The following PAK2 variants were observed in gnomAD, a reference collection of about 807,000 sequenced individuals.
The protein encoded by PAK2 is serine/threonine-protein kinase PAK 2.
In PAK2, 21 loss-of-function variants were observed where a neutral mutation model predicts 65.9. The ratio of observed to expected loss-of-function variants is 0.32; its 90% CI spans 0.23 to 0.46. The LOEUF (loss-of-function observed/expected upper bound fraction) is 0.46. Ranked by LOEUF, PAK2 falls within the 20% of genes least tolerant of loss-of-function variation. PAK2 has a pLI of 1.00. For missense variants in PAK2, 324 were observed against 642.6 expected (o/e 0.50, Z 5.36); for synonymous variants, 204 against 219.7 (o/e 0.93, Z 0.63).
intron 11 of PAK2, 141 bp downstream of exon 11, chr3:196,814,709 G>A (rs11185455): frequency 0.84 from 501,385 of 597,258 alleles, 211,344 homozygotes; most frequent in East Asian, 1. Flanking sequence ...CTCCATCTCC[G>A]TGCCATTTCA....
In PAK2 at chr3:196,820,705, T is replaced by C. The variant is rs986299171; in HGVS notation, c.1350+138T>C. Reference sequence around the variant, plus strand: ...TAATCTCTGCCCCTAACTCTGCATCTAGAAATCATTTGCTCTCTGAGTTAC... The same window carrying C: ...TAATCTCTGCCCCTAACTCTGCATCCAGAAATCATTTGCTCTCTGAGTTAC... On this transcript the variant is annotated intron_variant, in intron 13 of 14. Coordinates refer to ENST00000327134, the MANE Select transcript of PAK2 (RefSeq NM_002577.4). This position sits in a 1 kb window ranked among gnomAD's most constrained non-coding sequence, Gnocchi z 4.6. 2.6e-5 allele frequency: 12 copies of C among 456,216 alleles called. No individual in the cohort carries two copies. Among genetic ancestry groups the C allele is most frequent in the Non-Finnish European group, 2.3e-5 (6 of 258,084 alleles). The allele number at this position is 456,216 out of a possible 1,614,324, so 28.3% of individuals were successfully genotyped here. A position where few individuals can be genotyped will look rare whatever the true frequency, so the allele number is the denominator to read the frequency against.
intron 1 of PAK2, among the ~76,000 whole-genome samples, chr3:196,763,368 T>C (rs1230293569): frequency 6.6e-6 from 1 of 152,202 alleles, no homozygotes; most frequent in Non-Finnish European, 1.5e-5. Context: ...ATCAGGAGTC[T>C]TGTGACAACT....
chr3:196,749,174 A>T (rs1713487679), intron 1 of PAK2, among the ~76,000 whole-genome samples: 1 of 151,742 alleles, frequency 6.6e-6, no homozygotes, highest in African/African-American at 2.4e-5. Context: ...TTGCTTCCGT[A>T]ATTTAGGTAC....
At chr3:196,773,292 G>A (rs997453583) in intron 1 of PAK2, among the ~76,000 whole-genome samples, 2 of 152,084 alleles carry the variant, frequency 1.3e-5, no homozygotes, top group Non-Finnish European at 2.9e-5. Flanking sequence ...GTTACTAATG[G>A]TTAAGCAAAA....
chr3:196,742,288 G>A (rs1281268811), intron 1 of PAK2, among the ~76,000 whole-genome samples: 2 of 151,588 alleles, frequency 1.3e-5, no homozygotes, highest in Non-Finnish European at 2.9e-5. Context: ...GGGTTTCACC[G>A]TGTTGGTTAG....
In PAK2 at chr3:196,740,064, C is replaced by G. The variant is rs1157498160; in HGVS notation, c.-115C>G. The G allele has an allele frequency of 6.6e-6, 1 of 152,004 alleles. No individual in the cohort carries two copies. The highest frequency in any genetic ancestry group is 1.5e-5 in the Non-Finnish European group (1 of 67,990). 9.4% of individuals were successfully genotyped at this position (152,004 alleles called of 1,614,324 possible). ...CGCTTCCCCTTCCCTCCCCTCCCCT[C>G]CCCGCACCGCGCGCTAGCCCGGGGC... On this transcript the variant is annotated 5_prime_UTR_variant, in exon 1 of 15. Coordinates refer to ENST00000327134, the MANE Select transcript of PAK2 (RefSeq NM_002577.4).
At position 196,782,298 on chromosome 3, in the gene PAK2, T is replaced by TAA. The variant is rs61249904; in HGVS notation, c.-21-314_-21-313dup. 9.6e-3 allele frequency among the ~76,000 whole-genome samples: 1,345 copies of TAA among 140,740 alleles called. 23 individuals carry two copies. Among genetic ancestry groups the TAA allele is most frequent in the African/African-American group, 0.032 (1,230 of 38,514 alleles). 92.3% of individuals were successfully genotyped at this position (140,740 alleles called of 152,430 possible). A position where few individuals can be genotyped will look rare whatever the true frequency, so the allele number is the denominator to read the frequency against. On this transcript the variant is annotated intron_variant, in intron 1 of 14. Transcript: ENST00000327134. ...AGAACATATTTTTCCTCTTTGGAAT[T>TAA]AAAAAAAAAAAAAAAGATTTCATGT...
intron 13 of PAK2, among the ~76,000 whole-genome samples, chr3:196,824,654 A>T (rs1238850545): frequency 6.6e-6 from 1 of 152,124 alleles, no homozygotes; most frequent in Non-Finnish European, 1.5e-5. Flanking sequence ...ATGATATTAT[A>T]ATGGCGGACA....
intron 1 of PAK2, among the ~76,000 whole-genome samples, chr3:196,751,694 T>TATATATATATATAAA (rs1211217848): frequency 2.0e-4 from 9 of 45,808 alleles, no homozygotes; most frequent in South Asian, 5.4e-4. Context: ...TATATATATA[T>TATATATATATATAAA]AATTCAGGCT....
In PAK2 at chr3:196,810,546, A is replaced by T. The variant is rs765838899; in HGVS notation, c.710-44A>T. Reference sequence around the variant, plus strand: ...AATAATAATATCACAATCAATTTACACTTAAAATGCTTGACTGAGCTTCCA... The same window carrying T: ...AATAATAATATCACAATCAATTTACTCTTAAAATGCTTGACTGAGCTTCCA... On this transcript the variant is annotated intron_variant, in intron 7 of 14. Transcript: ENST00000327134. 16 of 996,230 alleles carry T rather than the reference A, an allele frequency of 1.6e-5. No homozygotes were observed. In the South Asian group the frequency reaches 1.8e-4, roughly 11 times the overall value. The allele number at this position is 996,230 out of a possible 1,614,324, so 61.7% of individuals were successfully genotyped here. A position where few individuals can be genotyped will look rare whatever the true frequency, so the allele number is the denominator to read the frequency against.
Position 196,832,544 on chromosome 3 carries a change from A to C in PAK2, c.*4139A>C, listed in dbSNP as rs1024918823. Reference sequence around the variant, plus strand: ...TTCTTTCTTTTGATCAGCGTAAAAGAATATTTTAATGTCTTTTGATAGCAT... The same window carrying C: ...TTCTTTCTTTTGATCAGCGTAAAAGCATATTTTAATGTCTTTTGATAGCAT... On this transcript the variant is annotated 3_prime_UTR_variant, in exon 15 of 15. Coordinates refer to ENST00000327134, the MANE Select transcript of PAK2 (RefSeq NM_002577.4). The C allele has an allele frequency of 2.0e-5, 3 of 152,070 alleles. No homozygotes were observed. Among genetic ancestry groups the C allele is most frequent in the African/African-American group, 7.2e-5 (3 of 41,406 alleles). The allele number at this position is 152,070 out of a possible 1,614,324, so 9.4% of individuals were successfully genotyped here. A position where few individuals can be genotyped will look rare whatever the true frequency, so the allele number is the denominator to read the frequency against.
At chr3:196,754,267 T>C (rs1281379962) in intron 1 of PAK2, among the ~76,000 whole-genome samples, 2 of 152,164 alleles carry the variant, frequency 1.3e-5, no homozygotes, top group Non-Finnish European at 2.9e-5. Context: ...TAATCTTCCT[T>C]GTGGTTTTCT....
chr3:196,765,361 G>A (rs1054454951), intron 1 of PAK2, among the ~76,000 whole-genome samples: 2 of 151,992 alleles, frequency 1.3e-5, no homozygotes, highest in African/African-American at 2.4e-5. Context: ...TGTTGGCCAG[G>A]CTGGGCTCGA....
At chr3:196,741,124 GAC>G (rs1713178363) in intron 1 of PAK2, among the ~76,000 whole-genome samples, 1 of 152,100 alleles carries the variant, frequency 6.6e-6, no homozygotes. Context: ...TTTATAAAAA[GAC>G]AAAATGGTTA....
intron 12 of PAK2, 42 bp downstream of exon 12, chr3:196,818,198 T>C: frequency 1.3e-6 from 1 of 797,888 alleles, no homozygotes; most frequent in Admixed American, 2.1e-5. Context: ...TATTATAATT[T>C]TCTGCCTTTT....
intron 1 of PAK2, among the ~76,000 whole-genome samples, chr3:196,776,212 A>G (rs1714529624): frequency 6.6e-6 from 1 of 152,246 alleles, no homozygotes; most frequent in Non-Finnish European, 1.5e-5. Flanking sequence ...AACCCATACC[A>G]AGGCCATGGC....
chr3:196,824,186 A>G (rs1359509779), intron 13 of PAK2, among the ~76,000 whole-genome samples: 1 of 152,214 alleles, frequency 6.6e-6, no homozygotes, highest in African/African-American at 2.4e-5. Flanking sequence ...GGAAGAAACT[A>G]AGAAATAAAG....
At chr3:196,807,969 T>G (rs1715639687) in intron 7 of PAK2, 55 bp downstream of exon 7, 6 of 1,541,584 alleles carry the variant, frequency 3.9e-6, no homozygotes, top group Middle Eastern at 1.7e-4. Context: ...CTTAAAACAT[T>G]TGGCCCAGAT....
At chr3:196,815,337 C>G (rs562044999) in intron 11 of PAK2, among the ~76,000 whole-genome samples, 3 of 150,508 alleles carry the variant, frequency 2.0e-5, no homozygotes, top group Admixed American at 6.6e-5. Context: ...ACTAAAAATA[C>G]AAAAATTAGC....
Sources: gnomAD v4.1 joint callset for allele counts (sites outside exome capture counted in the v4.1 genomes callset) on GRCh38, gnomAD v4.1.1 for gene constraint, Gnocchi (gnomAD v3.1) non-coding constraint, MANE v1.5 for transcripts, NCBI Gene and HGNC (gene_info 2026-07-23, HGNC 2026-07-21) for gene names.